Variants in INPP5A observed in about 807,000 individuals in gnomAD.
INPP5A encodes the protein 43 kDa inositol polyphosphate 5-phophatase.
In INPP5A, 14 loss-of-function variants were observed where a neutral mutation model predicts 65.2. That is an observed-to-expected ratio of 0.21 (90% CI 0.14 to 0.34). The LOEUF is 0.34. Among genes scored for constraint, INPP5A ranks in the 10% least tolerant of loss-of-function variants. INPP5A has a pLI of 1.00. For missense variants in INPP5A, 431 were observed against 545.6 expected (o/e 0.79, Z 2.09); for synonymous variants, 207 against 208.3 (o/e 0.99, Z 0.05).
chr10:132,771,708 C>T (rs1846954567), intron 12 of INPP5A, among the ~76,000 whole-genome samples: 1 of 57,730 alleles, frequency 1.7e-5, no homozygotes, highest in African/African-American at 5.1e-5. Flanking sequence ...ACGGCAGCCA[C>T]CCCATGAAGA....
In INPP5A at chr10:132,545,033, T is replaced by C. The variant is rs1397197999; in HGVS notation, c.75+6862T>C. Among the ~76,000 whole-genome samples the C allele has an allele frequency of 6.6e-6, 1 of 152,170 alleles. No homozygotes were observed. Among genetic ancestry groups the C allele is most frequent in the Non-Finnish European group, 1.5e-5 (1 of 68,040 alleles). On this transcript the variant is annotated intron_variant, in intron 1 of 15. Transcript: ENST00000368594. This position sits in a 1 kb window ranked among gnomAD's most constrained non-coding sequence, Gnocchi z 4.6. The stretch of plus-strand genomic sequence containing the variant: ...GCAGTGTTGGGAGAATGTCTGCACG[T>C]AGGCGTGGTCACGTCCGTCCCTGTT...
rs866837636 is a variant in INPP5A at position 132,772,443 on chromosome 10, A to G, written c.978-5228A>G. On this transcript the variant is annotated intron_variant, in intron 12 of 15. Coordinates refer to ENST00000368594, the MANE Select transcript of INPP5A (RefSeq NM_005539.5). ...TGGGACAGACACTCAGCACTGACAC[A>G]GAGGCCACGGCAGCCACCCCATGAA... Among the ~76,000 whole-genome samples, 226 of 98,702 alleles carry G rather than the reference A, an allele frequency of 2.3e-3. 1 individual carries two copies. Among genetic ancestry groups the G allele is most frequent in the Middle Eastern group, 7.0e-3 (1 of 142 alleles). 64.8% of individuals were successfully genotyped at this position (98,702 alleles called of 152,430 possible). A position where few individuals can be genotyped will look rare whatever the true frequency, so the allele number is the denominator to read the frequency against.
intron 1 of INPP5A, among the ~76,000 whole-genome samples, chr10:132,578,249 A>T (rs1400303800): frequency 6.6e-6 from 1 of 152,210 alleles, no homozygotes; most frequent in Non-Finnish European, 1.5e-5. Flanking sequence ...AAATCTGGGC[A>T]TTGAAGGTTC....
At chr10:132,625,985 G>C (rs965943374) in intron 2 of INPP5A, among the ~76,000 whole-genome samples, 3 of 152,178 alleles carry the variant, frequency 2.0e-5, no homozygotes, top group Non-Finnish European at 4.4e-5. Context: ...GCGCACACCT[G>C]TATAGTGCCC....
intron 4 of INPP5A, among the ~76,000 whole-genome samples, chr10:132,671,308 CG>C (rs916003408): frequency 2.3e-5 from 3 of 133,116 alleles, no homozygotes; most frequent in African/African-American, 7.9e-5. Flanking sequence ...ACGTGGGCTG[CG>C]GCGAGGCTTG....
At chr10:132,618,510 A>G (rs1405153783) in intron 2 of INPP5A, among the ~76,000 whole-genome samples, 1 of 152,240 alleles carries the variant, frequency 6.6e-6, no homozygotes, top group Non-Finnish European at 1.5e-5. Context: ...AGTCTTTCAC[A>G]GTTTTTCCTG....
intron 4 of INPP5A, among the ~76,000 whole-genome samples, chr10:132,682,795 G>A (rs1003963156): frequency 4.0e-5 from 6 of 151,890 alleles, no homozygotes; most frequent in African/African-American, 1.5e-4. Flanking sequence ...TTTAATCTAC[G>A]TGTACACGTG....
intron 11 of INPP5A, among the ~76,000 whole-genome samples, chr10:132,760,938 A>G (rs1846722267): frequency 6.6e-6 from 1 of 152,242 alleles, no homozygotes; most frequent in South Asian, 2.1e-4. Context: ...CCACTTTCAG[A>G]GAAAGAATTT....
At chr10:132,732,886 A>T (rs1009438356) in intron 9 of INPP5A, among the ~76,000 whole-genome samples, 1 of 152,140 alleles carries the variant, frequency 6.6e-6, no homozygotes, top group Non-Finnish European at 1.5e-5. Context: ...TCCCGCGCAG[A>T]GTCTCCTGTC....
At chr10:132,568,390 G>T (rs2071297618) in intron 1 of INPP5A, among the ~76,000 whole-genome samples, 1 of 151,954 alleles carries the variant, frequency 6.6e-6, no homozygotes, top group Non-Finnish European at 1.5e-5. Context: ...GAATTATTAA[G>T]CTGCCTTCAA....
rs961257956 is a variant in INPP5A at position 132,551,488 on chromosome 10, G to A, written c.75+13317G>A. Among the ~76,000 whole-genome samples the A allele has an allele frequency of 6.6e-6, 1 of 152,232 alleles. No individual in the cohort carries two copies. The highest frequency in any genetic ancestry group is 2.4e-5 in the African/African-American group (1 of 41,452). On this transcript the variant is annotated intron_variant, in intron 1 of 15. Transcript: ENST00000368594. This position sits in a 1 kb window ranked among gnomAD's most constrained non-coding sequence, Gnocchi z 5.3. ...GTGGACCAGCCACTGTGGGTCATGT[G>A]GGGGGATTTGGGTGGGACTCTCAGA...
In INPP5A at chr10:132,753,903, G is replaced by C. The variant is rs1018256728; in HGVS notation, c.903+4058G>C. On this transcript the variant is annotated intron_variant, in intron 11 of 15. Coordinates refer to ENST00000368594, the MANE Select transcript of INPP5A (RefSeq NM_005539.5). This position sits in a 1 kb window ranked among gnomAD's most constrained non-coding sequence, Gnocchi z 5.3. ...TTCACTTTGTAATCAAGAAGAATGT[G>C]GGAGACCATGCGAAATTGGTGATCA... 7.9e-5 allele frequency: 12 copies of C among 152,230 alleles called. No homozygotes were observed. The highest frequency in any genetic ancestry group is 1.2e-4 in the Non-Finnish European group (8 of 68,038). The allele number at this position is 152,230 out of a possible 1,614,324, so 9.4% of individuals were successfully genotyped here.
chr10:132,597,047 A>ATG (rs1283948313), intron 1 of INPP5A, among the ~76,000 whole-genome samples: 1 of 133,328 alleles, frequency 7.5e-6, no homozygotes, highest in East Asian at 2.3e-4. Context: ...GTATGCATGC[A>ATG]TGTGTGTGTG....
In INPP5A at chr10:132,545,676, G is replaced by A. The variant is rs570778747; in HGVS notation, c.75+7505G>A. 1.3e-5 allele frequency among the ~76,000 whole-genome samples: 2 copies of A among 152,310 alleles called. No individual in the cohort carries two copies. The highest frequency in any genetic ancestry group is 4.8e-5 in the African/African-American group (2 of 41,570). On this transcript the variant is annotated intron_variant, in intron 1 of 15. Coordinates refer to ENST00000368594, the MANE Select transcript of INPP5A (RefSeq NM_005539.5). The surrounding 1 kb of genome is among the most constrained non-coding windows in gnomAD (Gnocchi z 4.6). ...TGTCAAGTTCCCCCTTCCTTTGCTCGGTTTCATTAATTGGGATACTTGGGA... is the reference window on the plus strand; with the variant it reads ...TGTCAAGTTCCCCCTTCCTTTGCTCAGTTTCATTAATTGGGATACTTGGGA...
At chr10:132,597,039 A>G (rs984908031) in intron 1 of INPP5A, among the ~76,000 whole-genome samples, 6 of 145,010 alleles carry the variant, frequency 4.1e-5, no homozygotes, top group African/African-American at 1.3e-4. Flanking sequence ...GTGCATGTGT[A>G]TGCATGCATG....
chr10:132,578,265 TCCAGGC>T (rs1379220670), intron 1 of INPP5A, among the ~76,000 whole-genome samples: 8 of 152,192 alleles, frequency 5.3e-5, no homozygotes, highest in Non-Finnish European at 1.0e-4. Context: ...GGTTCAAGGG[TCCAGGC>T]GCTCCACCTC....
At chr10:132,614,850 G>A (rs988915118) in intron 2 of INPP5A, among the ~76,000 whole-genome samples, 1 of 152,244 alleles carries the variant, frequency 6.6e-6, no homozygotes, top group Non-Finnish European at 1.5e-5. Context: ...ATCCTACAAG[G>A]ACACGGCAAG....
At chr10:132,728,514 A>AG (rs1846025859) in intron 9 of INPP5A, among the ~76,000 whole-genome samples, 1 of 152,200 alleles carries the variant, frequency 6.6e-6, no homozygotes, top group Admixed American at 6.5e-5. Context: ...GCCAAGCCAC[A>AG]GGGGGCTGGA....
chr10:132,627,342 C>T lies in INPP5A; in HGVS notation c.118-18526C>T, dbSNP rs1348043927. On this transcript the variant is annotated intron_variant, in intron 2 of 15. Coordinates refer to ENST00000368594, the MANE Select transcript of INPP5A (RefSeq NM_005539.5). The surrounding 1 kb of genome is among the most constrained non-coding windows in gnomAD (Gnocchi z 6.6). ...CTCCCAGGAGGCTTCACGGGGAGACCGGGGCCGGGAGCTGCTGCTGGCTCC... is the reference window on the plus strand; with the variant it reads ...CTCCCAGGAGGCTTCACGGGGAGACTGGGGCCGGGAGCTGCTGCTGGCTCC... 6.6e-6 allele frequency among the ~76,000 whole-genome samples: 1 copy of T among 152,024 alleles called. No individual in the cohort carries two copies. Among genetic ancestry groups the T allele is most frequent in the Non-Finnish European group, 1.5e-5 (1 of 68,022 alleles).
Sources: gnomAD v4.1 joint callset for allele counts (sites outside exome capture counted in the v4.1 genomes callset) on GRCh38, gnomAD v4.1.1 for gene constraint, Gnocchi (gnomAD v3.1) non-coding constraint, MANE v1.5 for transcripts, NCBI Gene and HGNC (gene_info 2026-07-23, HGNC 2026-07-21) for gene names.